The following SLC39A11 variants were observed in gnomAD, a reference collection of about 807,000 sequenced individuals.
SLC39A11 encodes zinc transporter ZIP11.
In SLC39A11, 33 loss-of-function variants were observed where a neutral mutation model predicts 36.1. That is an observed-to-expected ratio of 0.91 (90% CI 0.69 to 1.22). The LOEUF (loss-of-function observed/expected upper bound fraction) is 1.22. Among genes scored for constraint, SLC39A11 ranks in the 50% most tolerant of loss-of-function variants. The pLI is 0.00. For missense variants in SLC39A11, 432 were observed against 430.3 expected (o/e 1.00, Z -0.03); for synonymous variants, 166 against 170.3 (o/e 0.97, Z 0.20).
intron 7 of SLC39A11, among the ~76,000 whole-genome samples, chr17:72,708,521 T>C (rs2072984953): frequency 6.6e-6 from 1 of 152,186 alleles, no homozygotes; most frequent in Non-Finnish European, 1.5e-5. Flanking sequence ...TGGTTCTGTC[T>C]CTCCAGAGAA....
chr17:72,956,718 T>C lies in SLC39A11; in HGVS notation c.307-8843A>G, dbSNP rs537132324. On this transcript the variant is annotated intron_variant, in intron 4 of 9. Coordinates refer to ENST00000255559, the MANE Select transcript of SLC39A11 (RefSeq NM_139177.4). ...CTGGCTTCTCAACAGACTGAGAACCTCCAGCTGGTGTTTATCAATAAAGTT... is the reference window on the plus strand; with the variant it reads ...CTGGCTTCTCAACAGACTGAGAACCCCCAGCTGGTGTTTATCAATAAAGTT... 6.1e-4 allele frequency among the ~76,000 whole-genome samples: 93 copies of C among 152,286 alleles called. 1 individual carries two copies. The Middle Eastern group carries it at 0.01, about 17-fold the overall frequency.
intron 3 of SLC39A11, among the ~76,000 whole-genome samples, chr17:73,048,142 G>C (rs866982761): frequency 6.6e-6 from 1 of 151,440 alleles, no homozygotes; most frequent in African/African-American, 2.4e-5. Flanking sequence ...CACCCAGGTA[G>C]TGACCACAGC....
chr17:72,919,639 T>G (rs112155015), intron 5 of SLC39A11, among the ~76,000 whole-genome samples: 1 of 132,978 alleles, frequency 7.5e-6, no homozygotes, highest in South Asian at 2.3e-4. Flanking sequence ...GCCACCGCAC[T>G]CCAGACTGGG....
At chr17:72,755,653 C>T (rs1380330877) in intron 6 of SLC39A11, among the ~76,000 whole-genome samples, 1 of 152,208 alleles carries the variant, frequency 6.6e-6, no homozygotes, top group Non-Finnish European at 1.5e-5. Context: ...AGCCTAGAGG[C>T]CTTCTTTTAA....
chr17:72,793,910 T>C (rs559350876), intron 6 of SLC39A11, among the ~76,000 whole-genome samples: 54 of 151,416 alleles, frequency 3.6e-4, no homozygotes, highest in African/African-American at 1.2e-3. Context: ...ACAGCAAGGC[T>C]GGGTTACAAA....
chr17:72,986,285 C>G (rs1332762365), intron 4 of SLC39A11, among the ~76,000 whole-genome samples: 1 of 152,228 alleles, frequency 6.6e-6, no homozygotes, highest in Non-Finnish European at 1.5e-5. Flanking sequence ...CTAGTCACAA[C>G]ACAACCACTA....
chr17:72,842,158 A>C (rs1345398287), intron 6 of SLC39A11, among the ~76,000 whole-genome samples: 1 of 151,972 alleles, frequency 6.6e-6, no homozygotes, highest in Non-Finnish European at 1.5e-5. Context: ...TATGTTACTG[A>C]CAAAAATTAA....
intron 6 of SLC39A11, among the ~76,000 whole-genome samples, chr17:72,812,162 C>G (rs748539307): frequency 6.6e-6 from 1 of 152,050 alleles, no homozygotes; most frequent in Non-Finnish European, 1.5e-5. Flanking sequence ...AAATAAGATA[C>G]TATTATGCTT....
intron 6 of SLC39A11, among the ~76,000 whole-genome samples, chr17:72,742,269 G>A (rs368789094): frequency 2.0e-4 from 30 of 152,254 alleles, no homozygotes; most frequent in African/African-American, 6.3e-4. Flanking sequence ...GGCAGGCTGC[G>A]ATGGGTATGC....
chr17:72,699,606 T>C (rs1323421783), intron 7 of SLC39A11, among the ~76,000 whole-genome samples: 2 of 152,220 alleles, frequency 1.3e-5, no homozygotes, highest in African/African-American at 4.8e-5. Flanking sequence ...AACATATTTC[T>C]AGAAAGAGTT....
intron 5 of SLC39A11, among the ~76,000 whole-genome samples, chr17:72,900,220 A>AGAAAGAAG (rs2082319479): frequency 6.8e-6 from 1 of 146,534 alleles, no homozygotes; most frequent in East Asian, 2.0e-4. Flanking sequence ...AAAGAAAGAA[A>AGAAAGAAG]GAAAGAAAGA....
chr17:72,740,312 A>G (rs1598520094), intron 6 of SLC39A11, among the ~76,000 whole-genome samples: 1 of 151,706 alleles, frequency 6.6e-6, no homozygotes. Context: ...TGATCTGCCC[A>G]CCTCAGCCTC....
At chr17:73,077,112 C>T (rs1009865547) in intron 3 of SLC39A11, among the ~76,000 whole-genome samples, 6 of 152,138 alleles carry the variant, frequency 3.9e-5, no homozygotes, top group Non-Finnish European at 7.3e-5. Context: ...ATGATATAAG[C>T]ACAAGCCACT....
intron 5 of SLC39A11, among the ~76,000 whole-genome samples, chr17:72,850,659 C>T (rs902630236): frequency 1.3e-5 from 2 of 152,134 alleles, no homozygotes; most frequent in African/African-American, 4.8e-5. Context: ...CTGTGTAGTG[C>T]CAAATAAGTT....
chr17:72,952,012 CT>C (rs1398254414), intron 4 of SLC39A11, among the ~76,000 whole-genome samples: 2 of 152,098 alleles, frequency 1.3e-5, no homozygotes, highest in Non-Finnish European at 2.9e-5. Flanking sequence ...AGAAGCTGCC[CT>C]TTTAAAAGCT....
In SLC39A11 at chr17:72,732,040, C is replaced by CTTTTCTTT. The variant is rs1555651341; in HGVS notation, c.671+4609_671+4610insAAAGAAAA. 1.1e-3 allele frequency among the ~76,000 whole-genome samples: 38 copies of CTTTTCTTT among 33,676 alleles called. 3 individuals carry two copies. The highest frequency in any genetic ancestry group is 3.7e-3 in the African/African-American group (31 of 8,414). The allele number at this position is 33,676 out of a possible 152,430, so 22.1% of individuals were successfully genotyped here. A position where few individuals can be genotyped will look rare whatever the true frequency, so the allele number is the denominator to read the frequency against. The stretch of plus-strand genomic sequence containing the variant: ...TTTCTTTATTTTTTTCTTTTCTTTT[C>CTTTTCTTT]TTTTTTTTTTTTTTTTTTTTTTTTT... On this transcript the variant is annotated intron_variant, in intron 7 of 9. Transcript: ENST00000255559.
intron 4 of SLC39A11, among the ~76,000 whole-genome samples, chr17:73,016,133 G>T (rs931575620): frequency 6.6e-6 from 1 of 151,926 alleles, no homozygotes; most frequent in African/African-American, 2.4e-5. Flanking sequence ...TTTTCTGAAG[G>T]GAAAATACAG....
chr17:72,927,541 AT>A (rs2084120831), intron 5 of SLC39A11, among the ~76,000 whole-genome samples: 1 of 152,204 alleles, frequency 6.6e-6, no homozygotes, highest in Non-Finnish European at 1.5e-5. Flanking sequence ...ACTCCCGGTG[AT>A]TATAAGGCTT....
At position 72,884,224 on chromosome 17, in the gene SLC39A11, C is replaced by T. The variant is rs186231573; in HGVS notation, c.431-34420G>A. On this transcript the variant is annotated intron_variant, in intron 5 of 9. Coordinates refer to ENST00000255559, the MANE Select transcript of SLC39A11 (RefSeq NM_139177.4). ...AGTGCCCCTGGGCCTGCTAGGCTGCCCACAGCTTGGCTCACAAAAGCAGCG... is the reference window on the plus strand; with the variant it reads ...AGTGCCCCTGGGCCTGCTAGGCTGCTCACAGCTTGGCTCACAAAAGCAGCG... Among the ~76,000 whole-genome samples, 674 of 152,334 alleles carry T rather than the reference C, an allele frequency of 4.4e-3. 3 individuals carry two copies. The highest frequency in any genetic ancestry group is 0.024 in the South Asian group (114 of 4,816).
Sources: allele counts gnomAD v4.1 joint callset (sites outside exome capture counted in the v4.1 genomes callset), GRCh38; gene constraint gnomAD v4.1.1; transcripts MANE v1.5; gene names NCBI Gene and HGNC (gene_info 2026-07-23, HGNC 2026-07-21).